MCC: variants seen among roughly 807,000 people sequenced by gnomAD.
MCC encodes the protein colorectal mutant cancer protein.
Under a neutral mutation model 116.2 loss-of-function variants are expected in MCC, and 90 were observed. The ratio of observed to expected loss-of-function variants is 0.77; its 90% CI spans 0.65 to 0.92. The LOEUF (loss-of-function observed/expected upper bound fraction) is 0.92, where lower values mean the gene tolerates loss of function less well. MCC is among the 40% of genes least tolerant of loss of function. MCC has a pLI of 0.00. For synonymous variants in MCC, 578 were observed against 510.5 expected, an observed-to-expected ratio of 1.13 and a Z score of -1.78; for missense variants, 1,516 against 1,312.2, an observed-to-expected ratio of 1.16 and a Z score of -2.40.
chr5:113,428,574 G>A (rs893600807), intron 1 of MCC: 1 of 152,236 alleles, frequency 6.6e-6, no homozygotes, highest in Admixed American at 6.5e-5. Context: ...AGAACTTCCT[G>A]TAAGATCAGC....
chr5:113,081,760 T>C (rs906245975), intron 11 of MCC, among the ~76,000 whole-genome samples: 1 of 99,312 alleles, frequency 1.0e-5, no homozygotes, highest in Non-Finnish European at 2.1e-5. Context: ...AATTTCAAGA[T>C]TTAAAATGAC....
intron 17 of MCC, among the ~76,000 whole-genome samples, chr5:113,033,866 G>A (rs965274954): frequency 2.0e-5 from 3 of 152,070 alleles, no homozygotes; most frequent in East Asian, 1.9e-4. Flanking sequence ...ATAAAAGGTC[G>A]TATGACTCTA....
At chr5:113,383,159 CT>C (rs1769166496) in intron 2 of MCC, among the ~76,000 whole-genome samples, 1 of 151,986 alleles carries the variant, frequency 6.6e-6, no homozygotes, top group Non-Finnish European at 1.5e-5. Flanking sequence ...AAAAAATTTC[CT>C]TCTGTGTACA....
intron 1 of MCC, among the ~76,000 whole-genome samples, chr5:113,455,565 TAAAGC>T (rs928451303): frequency 5.3e-5 from 8 of 152,236 alleles, no homozygotes; most frequent in Admixed American, 5.2e-4. Context: ...CATACAAGTC[TAAAGC>T]CCTTTTCCAA....
At chr5:113,369,116 T>A (rs1269125606) in intron 2 of MCC, among the ~76,000 whole-genome samples, 1 of 149,976 alleles carries the variant, frequency 6.7e-6, no homozygotes, top group African/African-American at 2.4e-5. Flanking sequence ...ATCCAGTCCT[T>A]TTTTTTTTAA....
chr5:113,461,282 C>T (rs1476169952), intron 1 of MCC, among the ~76,000 whole-genome samples: 1 of 152,070 alleles, frequency 6.6e-6, no homozygotes, highest in African/African-American at 2.4e-5. Flanking sequence ...CAATAAAAAC[C>T]ACGTTTTTCA....
intron 2 of MCC, among the ~76,000 whole-genome samples, chr5:113,377,397 G>A (rs1769014899): frequency 2.0e-5 from 3 of 152,114 alleles, no homozygotes. Context: ...CCCACTAGAT[G>A]GTTAGGAGTC....
intron 6 of MCC, among the ~76,000 whole-genome samples, chr5:113,107,282 G>A (rs6861081): frequency 0.98 from 145,503 of 149,190 alleles, 71,072 homozygotes; most frequent in East Asian, 1. Context: ...CAGTGGTGCA[G>A]TCTCAGCTCA....
At position 113,143,320 on chromosome 5, in the gene MCC, T is replaced by C; in HGVS notation, c.782A>G (p.Gln261Arg). The C allele has an allele frequency of 6.2e-7, 1 of 1,613,928 alleles. No individual in the cohort carries two copies. The highest frequency in any genetic ancestry group is 8.5e-7 in the Non-Finnish European group (1 of 1,179,952). ...SHLMREHEDV[Q>R]ERTTLRYEER... ...CTCATAGCGAAGTGTCGTTCGCTCC[T>C]GGACATCCTCATGCTCTCTCATGAG... Residue 261 changes from glutamine (Q) to arginine (R), a missense_variant, in exon 5 of 19, where the codon CAG becomes CGG. Transcript: ENST00000408903.
At chr5:113,088,640 A>G (rs7736823) in intron 8 of MCC, among the ~76,000 whole-genome samples, 52,965 of 151,608 alleles carry the variant, frequency 0.35, 9,272 homozygotes, top group Middle Eastern at 0.39. Context: ...ATGAAAGCAG[A>G]GATTGGACAC....
chr5:113,039,446 C>T (rs1751536050), intron 17 of MCC, among the ~76,000 whole-genome samples: 1 of 152,198 alleles, frequency 6.6e-6, no homozygotes, highest in Non-Finnish European at 1.5e-5. Context: ...CCCGCCATGG[C>T]ACCTCATTTG....
chr5:113,203,113 C>G (rs1458838775), intron 3 of MCC: 1 of 152,274 alleles, frequency 6.6e-6, no homozygotes, highest in African/African-American at 2.4e-5. Flanking sequence ...TTGGGGAATA[C>G]AAGGGTTCCT....
At chr5:113,131,606 A>T (rs530105193) in intron 5 of MCC, among the ~76,000 whole-genome samples, 1 of 152,148 alleles carries the variant, frequency 6.6e-6, no homozygotes, top group Non-Finnish European at 1.5e-5. Context: ...AGGGCTGCAG[A>T]AAAGAGAGGT....
chr5:113,299,913 C>T (rs151332625), intron 3 of MCC, among the ~76,000 whole-genome samples: 116 of 152,302 alleles, frequency 7.6e-4, no homozygotes, highest in Admixed American at 1.4e-3. Flanking sequence ...TCTCTAAAGC[C>T]CAGTCTCTTC....
chr5:113,187,694 G>C (rs1014301424), intron 3 of MCC, among the ~76,000 whole-genome samples: 1 of 150,096 alleles, frequency 6.7e-6, no homozygotes, highest in African/African-American at 2.5e-5. Context: ...GGCGGAGCTT[G>C]CAGTGAGCCC....
chr5:113,445,081 T>A (rs1771170024), intron 1 of MCC, among the ~76,000 whole-genome samples: 1 of 152,176 alleles, frequency 6.6e-6, no homozygotes, highest in Admixed American at 6.5e-5. Flanking sequence ...GACACTTCAA[T>A]TCTCTCCATC....
intron 16 of MCC, among the ~76,000 whole-genome samples, chr5:113,046,195 C>T (rs1431508343): frequency 6.6e-6 from 1 of 150,828 alleles, no homozygotes; most frequent in Non-Finnish European, 1.5e-5. Flanking sequence ...GATAAATTTT[C>T]TTACTTTTTT....
intron 2 of MCC, among the ~76,000 whole-genome samples, chr5:113,356,302 A>G (rs6594703): frequency 0.46 from 69,026 of 150,274 alleles, 17,235 homozygotes; most frequent in African/African-American, 0.65. Flanking sequence ...CTCCCAAAGT[A>G]CTAGGAGATA....
intron 3 of MCC, among the ~76,000 whole-genome samples, chr5:113,285,681 G>A (rs758463038): frequency 3.3e-5 from 5 of 152,110 alleles, no homozygotes; most frequent in Non-Finnish European, 7.3e-5. Flanking sequence ...AGTCTTCCCT[G>A]ATCACTCAAA....
Sources: allele counts gnomAD v4.1 joint callset (sites outside exome capture counted in the v4.1 genomes callset), GRCh38; gene constraint gnomAD v4.1.1; transcripts MANE v1.5; gene names NCBI Gene and HGNC (gene_info 2026-07-23, HGNC 2026-07-21).